The following CADM2 variants were observed in gnomAD, a reference collection of about 807,000 sequenced individuals.
The protein encoded by CADM2 is immunoglobulin superfamily member 4D.
CADM2 carries 12 observed loss-of-function variants against 49.8 expected under a neutral mutation model. The ratio of observed to expected loss-of-function variants is 0.24; its 90% confidence interval spans 0.15 to 0.39. CADM2 has a LOEUF of 0.39. Among genes scored for constraint, CADM2 ranks in the 10% least tolerant of loss-of-function variants. The probability of loss-of-function intolerance (pLI) is 1.00; values close to 1 mark genes in which losing one functional copy is unlikely to be tolerated. For missense variants in CADM2, 378 were observed against 492.3 expected (o/e 0.77, Z 2.20); for synonymous variants, 214 against 175.4 (o/e 1.22, Z -1.74).
intron 1 of CADM2, among the ~76,000 whole-genome samples, chr3:85,559,945 C>T (rs2167044): frequency 0.51 from 77,905 of 151,948 alleles, 23,043 homozygotes; most frequent in East Asian, 0.85. Context: ...TAATAACTCT[C>T]CCTAAAGAAA....
intron 1 of CADM2, among the ~76,000 whole-genome samples, chr3:85,359,666 A>ATATATATATGTATATATATTTTTTT: frequency 7.5e-5 from 2 of 26,546 alleles, no homozygotes; most frequent in Non-Finnish European, 1.6e-4. Flanking sequence ...ATATATATAT[A>ATATATATATGTATATATATTTTTTT]TTTTTTTTTT....
At chr3:85,260,858 G>A (rs928026119) in intron 1 of CADM2, among the ~76,000 whole-genome samples, 1 of 152,180 alleles carries the variant, frequency 6.6e-6, no homozygotes, top group Admixed American at 6.5e-5. Context: ...GTGACTCCAC[G>A]ATTGTGGAAC....
intron 1 of CADM2, among the ~76,000 whole-genome samples, chr3:85,464,875 G>A (rs899721050): frequency 1.1e-4 from 16 of 152,314 alleles, no homozygotes; most frequent in Admixed American, 3.9e-4. Context: ...TTTTGGCCAA[G>A]CTCAGTGGCT....
intron 1 of CADM2, among the ~76,000 whole-genome samples, chr3:85,039,277 A>G (rs1356516078): frequency 6.6e-6 from 1 of 152,094 alleles, no homozygotes; most frequent in Non-Finnish European, 1.5e-5. Flanking sequence ...CTGAGCCCCA[A>G]CCATACCTGG....
At chr3:84,982,738 T>TATATATATATATATATATA (rs58154654) in intron 1 of CADM2, among the ~76,000 whole-genome samples, 1 of 121,660 alleles carries the variant, frequency 8.2e-6, no homozygotes, top group African/African-American at 3.2e-5. Flanking sequence ...TATATATACA[T>TATATATATATATATATATA]TTTTTGTTTT....
intron 7 of CADM2, among the ~76,000 whole-genome samples, chr3:85,940,661 A>C (rs756154998): frequency 6.6e-6 from 1 of 152,080 alleles, no homozygotes; most frequent in Non-Finnish European, 1.5e-5. Context: ...TTAATCATTG[A>C]GATCTGTATG....
At chr3:85,086,394 C>T (rs2037377482) in intron 1 of CADM2, among the ~76,000 whole-genome samples, 1 of 151,594 alleles carries the variant, frequency 6.6e-6, no homozygotes, top group Non-Finnish European at 1.5e-5. Flanking sequence ...CTTTCCACAA[C>T]TGGGAAAGAA....
chr3:85,774,685 C>A (rs1241744973), intron 2 of CADM2, among the ~76,000 whole-genome samples: 2 of 151,086 alleles, frequency 1.3e-5, no homozygotes, highest in African/African-American at 4.9e-5. Context: ...CAATTTTAAT[C>A]TTTATTTTAC....
chr3:85,732,729 T>C (rs940559199), intron 2 of CADM2, among the ~76,000 whole-genome samples: 2 of 152,320 alleles, frequency 1.3e-5, no homozygotes, highest in Non-Finnish European at 2.9e-5. Flanking sequence ...GTTTTCTCTT[T>C]CAATCCATAC....
chr3:85,377,075 T>G (rs1897698), intron 1 of CADM2, among the ~76,000 whole-genome samples: 1 of 151,910 alleles, frequency 6.6e-6, no homozygotes, highest in African/African-American at 2.4e-5. Flanking sequence ...TTGTTTCTTT[T>G]CTTTCCTTGT....
chr3:85,484,903 C>A (rs73142752), intron 1 of CADM2, among the ~76,000 whole-genome samples: 2 of 151,536 alleles, frequency 1.3e-5, no homozygotes, highest in Non-Finnish European at 3.0e-5. Flanking sequence ...TCATGTCTTA[C>A]GGAGACAGGC....
intron 1 of CADM2, among the ~76,000 whole-genome samples, chr3:85,464,746 G>A (rs977844391): frequency 6.6e-6 from 1 of 152,106 alleles, no homozygotes; most frequent in African/African-American, 2.4e-5. Flanking sequence ...CAGTGTTTTC[G>A]TGTAGAAAAT....
At chr3:86,021,045 G>A (rs1265991553) in intron 8 of CADM2, among the ~76,000 whole-genome samples, 1 of 152,124 alleles carries the variant, frequency 6.6e-6, no homozygotes, top group East Asian at 1.9e-4. Context: ...GGTCACACAG[G>A]CTGGAGTGCG....
At chr3:85,081,539 A>G (rs1039791282) in intron 1 of CADM2, among the ~76,000 whole-genome samples, 1 of 152,228 alleles carries the variant, frequency 6.6e-6, no homozygotes, top group African/African-American at 2.4e-5. Flanking sequence ...CTTTGTGGAT[A>G]ACAATTTCCT....
chr3:85,651,879 G>A (rs1334694741), intron 1 of CADM2, among the ~76,000 whole-genome samples: 1 of 149,678 alleles, frequency 6.7e-6, no homozygotes, highest in Non-Finnish European at 1.5e-5. Flanking sequence ...GTGCAGTGGC[G>A]TGATCTCGGC....
chr3:85,170,974 C>G (rs1367060384), intron 1 of CADM2, among the ~76,000 whole-genome samples: 1 of 152,132 alleles, frequency 6.6e-6, no homozygotes, highest in African/African-American at 2.4e-5. Context: ...TAACTAATTT[C>G]CTTAGGTTGT....
At chr3:85,124,371 A>G (rs1401189263) in intron 1 of CADM2, among the ~76,000 whole-genome samples, 1 of 152,148 alleles carries the variant, frequency 6.6e-6, no homozygotes, top group Non-Finnish European at 1.5e-5. Context: ...TGGGAGGCAA[A>G]TGCAGGAGGA....
intron 1 of CADM2, among the ~76,000 whole-genome samples, chr3:85,478,923 T>C (rs2039092749): frequency 6.6e-6 from 1 of 151,882 alleles, no homozygotes; most frequent in Non-Finnish European, 1.5e-5. Flanking sequence ...CCATAAGTTA[T>C]GAAGTTTTGT....
At chr3:85,336,149 C>A (rs1253256066) in intron 1 of CADM2, among the ~76,000 whole-genome samples, 1 of 151,442 alleles carries the variant, frequency 6.6e-6, no homozygotes, top group African/African-American at 2.4e-5. Context: ...TCAACATTTC[C>A]TTCTGCACTA....
Sources: allele counts gnomAD v4.1 joint callset (sites outside exome capture counted in the v4.1 genomes callset), GRCh38; gene constraint gnomAD v4.1.1; transcripts MANE v1.5; gene names NCBI Gene and HGNC (gene_info 2026-07-23, HGNC 2026-07-21).